Variants in C5orf15 observed in about 807,000 individuals in gnomAD.
C5orf15 encodes the protein chromosome 5 open reading frame 15.
C5orf15 carries 10 observed loss-of-function variants against 17.8 expected under a neutral mutation model. That is an observed-to-expected ratio of 0.56 (90% CI 0.35 to 0.95). C5orf15 has a LOEUF of 0.95. Ranked by LOEUF, C5orf15 falls within the 40% of genes least tolerant of loss-of-function variation. The pLI is 0.02. For missense variants in C5orf15, 319 were observed against 331.7 expected (o/e 0.96, Z 0.30); for synonymous variants, 124 against 131.0 (o/e 0.95, Z 0.36).
intron 2 of C5orf15, among the ~76,000 whole-genome samples, chr5:133,957,982 C>T (rs996066967): frequency 6.6e-6 from 1 of 152,186 alleles, no homozygotes; most frequent in Admixed American, 6.5e-5. Context: ...GTGATGTATC[C>T]TGTCCTACAG....
At chr5:133,964,780 A>G (rs1367449916) in intron 1 of C5orf15, among the ~76,000 whole-genome samples, 1 of 152,104 alleles carries the variant, frequency 6.6e-6, no homozygotes, top group Non-Finnish European at 1.5e-5. Context: ...CCCACATCCA[A>G]TCTGTTATTC....
At position 133,959,986 on chromosome 5, in the gene C5orf15, T is replaced by G. The variant is rs138733875; in HGVS notation, c.174A>C (p.Val58=). 267 of 1,612,962 alleles carry G rather than the reference T, an allele frequency of 1.7e-4. No individual in the cohort carries two copies. Among genetic ancestry groups the G allele is most frequent in the Non-Finnish European group, 1.9e-5 (22 of 1,179,024 alleles). Residue 58 remains valine (V), a synonymous_variant, in exon 2 of 3, where the codon GTA becomes GTC. Coordinates refer to ENST00000231512, the MANE Select transcript of C5orf15 (RefSeq NM_020199.3). ...VSRTDSPSPT[V]LNSHISTPNV... ...TTGGGGTAGAAATATGTGAGTTGAG[T>G]ACGGTTGGGCTCGGTGAATCAGTCC...
chr5:133,960,135 T>C lies in C5orf15; in HGVS notation c.140-115A>G, dbSNP rs543137405. The C allele has an allele frequency of 1.5e-5, 13 of 866,620 alleles. No homozygotes were observed. In the African/African-American group the frequency reaches 1.9e-4, roughly 12 times the overall value. 53.7% of individuals were successfully genotyped at this position (866,620 alleles called of 1,614,324 possible). On this transcript the variant is annotated intron_variant, in intron 1 of 2. Coordinates refer to ENST00000231512, the MANE Select transcript of C5orf15 (RefSeq NM_020199.3). ...TTCTCTCTGCTACATTCCTATAACT[T>C]TCTCGAAAACTAGTTATTAAGTCTC...
chr5:133,968,462 G>C lies in C5orf15; in HGVS notation c.123C>G (p.Ser41=). The change falls in exon 1 of 3, where the codon TCC becomes TCG. Residue 41 remains serine (S), a synonymous_variant. Transcript: ENST00000231512. ...CCCCTTTACCACTGGATAGAGCGGC[G>C]GACACAAGCAGGAGCGCCAAGACCA... ...RPLVLALLLV[S]AALSSVVSRT... 1 of 1,604,604 alleles carries C rather than the reference G, an allele frequency of 6.2e-7. No homozygotes were observed. Among genetic ancestry groups the C allele is most frequent in the Non-Finnish European group, 8.5e-7 (1 of 1,176,076 alleles).
intron 2 of C5orf15, among the ~76,000 whole-genome samples, chr5:133,958,598 A>C (rs1272847867): frequency 6.7e-6 from 1 of 148,940 alleles, no homozygotes; most frequent in Non-Finnish European, 1.5e-5. Context: ...AAAAAAAAAA[A>C]AAAAAACTCT....
At chr5:133,962,241 T>C (rs1238785808) in intron 1 of C5orf15, among the ~76,000 whole-genome samples, 1 of 152,176 alleles carries the variant, frequency 6.6e-6, no homozygotes, top group Non-Finnish European at 1.5e-5. Context: ...TATAAAGAAA[T>C]TTCCACCACG....
intron 2 of C5orf15, among the ~76,000 whole-genome samples, chr5:133,957,425 T>A (rs1752056027): frequency 6.6e-6 from 1 of 152,038 alleles, no homozygotes; most frequent in Non-Finnish European, 1.5e-5. Context: ...AAACAGTGCT[T>A]CTCAAATTTC....
At chr5:133,965,582 T>C (rs1752180559) in intron 1 of C5orf15, among the ~76,000 whole-genome samples, 1 of 152,210 alleles carries the variant, frequency 6.6e-6, no homozygotes, top group Admixed American at 6.5e-5. Context: ...CTTCTAAATC[T>C]TCCCTTTCCT....
At position 133,955,941 on chromosome 5, in the gene C5orf15, C is replaced by G. The variant is rs1285339623; in HGVS notation, c.*918G>C. ...AAAAAAGGTAATTGTACACAAATAT[C>G]CTTTATGTATACAAACAACTTCATT... is the stretch of plus-strand genomic sequence containing the variant. On this transcript the variant is annotated 3_prime_UTR_variant, in exon 3 of 3. Transcript: ENST00000231512. 6.6e-6 allele frequency: 1 copy of G among 152,082 alleles called. No individual in the cohort carries two copies. Among genetic ancestry groups the G allele is most frequent in the Non-Finnish European group, 1.5e-5 (1 of 68,010 alleles). The allele number at this position is 152,082 out of a possible 1,614,324, so 9.4% of individuals were successfully genotyped here. A position where few individuals can be genotyped will look rare whatever the true frequency, so the allele number is the denominator to read the frequency against.
intron 1 of C5orf15, among the ~76,000 whole-genome samples, chr5:133,968,228 C>T (rs976131306): frequency 6.6e-6 from 1 of 152,104 alleles, no homozygotes; most frequent in Non-Finnish European, 1.5e-5. Context: ...CTGCATCTCT[C>T]AGGGACCCCG....
Position 133,956,634 on chromosome 5 carries a change from T to G in C5orf15, c.*225A>C. On this transcript the variant is annotated 3_prime_UTR_variant, in exon 3 of 3. Coordinates refer to ENST00000231512, the MANE Select transcript of C5orf15 (RefSeq NM_020199.3). Reference sequence around the variant, plus strand: ...ACAATAAAAACTAACAGTGTAAATATAAGGTAATGTTTAACTCACATTTTG... The same window carrying G: ...ACAATAAAAACTAACAGTGTAAATAGAAGGTAATGTTTAACTCACATTTTG... 1 of 293,804 alleles carries G rather than the reference T, an allele frequency of 3.4e-6. No homozygotes were observed. Among genetic ancestry groups the G allele is most frequent in the Non-Finnish European group, 6.3e-6 (1 of 159,570 alleles). 18.2% of individuals were successfully genotyped at this position (293,804 alleles called of 1,614,324 possible).
chr5:133,958,756 A>C (rs1254531276), intron 2 of C5orf15, among the ~76,000 whole-genome samples: 1 of 152,074 alleles, frequency 6.6e-6, no homozygotes, highest in Non-Finnish European at 1.5e-5. Context: ...GAATTCCCTA[A>C]AATAAATGTG....
At chr5:133,959,404 CAAAAA>C (rs397999300) in intron 2 of C5orf15, 85 bp downstream of exon 2, 181 of 124,400 alleles carry the variant, frequency 1.5e-3, no homozygotes, top group East Asian at 4.0e-3. Flanking sequence ...CTTTTTTTTG[CAAAAA>C]AAAAAAAAAA....
Position 133,968,608 on chromosome 5 carries a change from G to A in C5orf15, c.-24C>T, listed in dbSNP as rs746521138. The A allele has an allele frequency of 1.3e-6, 2 of 1,591,960 alleles. No homozygotes were observed. The highest frequency in any genetic ancestry group is 1.7e-6 in the Non-Finnish European group (2 of 1,169,860). On this transcript the variant is annotated 5_prime_UTR_variant, in exon 1 of 3. Coordinates refer to ENST00000231512, the MANE Select transcript of C5orf15 (RefSeq NM_020199.3). ...ATAACGGACTCGGCTGGGAGCCTGC[G>A]CTGTTGCTAGGCTCTACGCCATGAG...
intron 2 of C5orf15, 39 bp from the exon 3 acceptor site, chr5:133,957,029 C>G: frequency 6.7e-7 from 1 of 1,495,612 alleles, no homozygotes; most frequent in African/African-American, 1.4e-5. Flanking sequence ...AAAGAGAAAA[C>G]AGAGAATATG....
At position 133,959,893 on chromosome 5, in the gene C5orf15, A is replaced by C. The variant is rs761927035; in HGVS notation, c.267T>G (p.Pro89=). 3 of 1,613,898 alleles carry C rather than the reference A, an allele frequency of 1.9e-6. No homozygotes were observed. The highest frequency in any genetic ancestry group is 2.5e-6 in the Non-Finnish European group (3 of 1,179,936). The change falls in exon 2 of 3, where the codon CCT becomes CCG. Residue 89 remains proline, a synonymous_variant. Transcript: ENST00000231512. ...PSISQISTTL[P]PTTSTKKSGG... ...CACTTTTCTTGGTACTCGTCGTGGG[A>C]GGGAGGGTGGTGCTGATTTGGGAAA...
intron 2 of C5orf15, 54 bp downstream of exon 2, chr5:133,959,434 ATGAATC>A: frequency 1.7e-6 from 1 of 604,792 alleles, no homozygotes; most frequent in Non-Finnish European, 2.6e-6. Flanking sequence ...AAAAAGAACC[ATGAATC>A]ATCAAAAGCA....
chr5:133,966,826 C>A (rs892741843), intron 1 of C5orf15, among the ~76,000 whole-genome samples: 2 of 152,176 alleles, frequency 1.3e-5, no homozygotes, highest in African/African-American at 4.8e-5. Flanking sequence ...AGCTTCTTTT[C>A]AGGACAGAAT....
At chr5:133,966,073 A>T (rs995127273) in intron 1 of C5orf15, among the ~76,000 whole-genome samples, 4 of 151,880 alleles carry the variant, frequency 2.6e-5, no homozygotes, top group African/African-American at 9.7e-5. Flanking sequence ...AAATACAAAA[A>T]CTAGCCAGGT....
Sources: gnomAD v4.1 joint callset for allele counts (sites outside exome capture counted in the v4.1 genomes callset) on GRCh38, gnomAD v4.1.1 for gene constraint, MANE v1.5 for transcripts, NCBI Gene and HGNC (gene_info 2026-07-23, HGNC 2026-07-21) for gene names.